The following ARHGAP39 variants were observed in gnomAD, a reference collection of about 807,000 sequenced individuals.
ARHGAP39 encodes the protein Rho GTPase activating protein 39.
A neutral mutation model predicts 106.9 loss-of-function variants in ARHGAP39; 44 were observed. The ratio of observed to expected loss-of-function variants is 0.41; its 90% CI spans 0.32 to 0.53. ARHGAP39 has a LOEUF of 0.53. Among genes scored for constraint, ARHGAP39 ranks in the 20% least tolerant of loss-of-function variants. The probability of loss-of-function intolerance (pLI) is 0.21; values close to 1 mark genes in which losing one functional copy is unlikely to be tolerated. For synonymous variants in ARHGAP39, 768 were observed against 693.2 expected, an observed-to-expected ratio of 1.11 and a Z score of -1.69; for missense variants, 1,496 against 1,577.3, an observed-to-expected ratio of 0.95 and a Z score of 0.87.
intron 4 of ARHGAP39, among the ~76,000 whole-genome samples, chr8:144,551,350 A>C (rs1422062013): frequency 2.0e-5 from 3 of 152,152 alleles, no homozygotes; most frequent in African/African-American, 7.2e-5. Context: ...AGAGATGAAG[A>C]AAGGTAAGAA....
chr8:144,586,678 G>A lies in ARHGAP39; in HGVS notation c.81-5401C>T, dbSNP rs984874564. On this transcript the variant is annotated intron_variant, in intron 2 of 11. Transcript: ENST00000377307. The surrounding 1 kb of genome is among the most constrained non-coding windows in gnomAD (Gnocchi z 4.2). Reference sequence around the variant, plus strand: ...GGTACCACACCCACTTCCAGGCACCGGGTCCCATGCTGACACAGGGCTCAG... The same window carrying A: ...GGTACCACACCCACTTCCAGGCACCAGGTCCCATGCTGACACAGGGCTCAG... 3.3e-5 allele frequency among the ~76,000 whole-genome samples: 5 copies of A among 152,176 alleles called. No homozygotes were observed. The highest frequency in any genetic ancestry group is 7.4e-5 in the Non-Finnish European group (5 of 68,026).
intron 1 of ARHGAP39, among the ~76,000 whole-genome samples, chr8:144,656,425 C>T (rs546151626): frequency 7.2e-5 from 11 of 152,074 alleles, no homozygotes; most frequent in South Asian, 2.1e-4. Context: ...ATCCTAAATG[C>T]GTATGCCTAG....
intron 1 of ARHGAP39, among the ~76,000 whole-genome samples, chr8:144,673,181 C>T (rs920134070): frequency 3.3e-5 from 5 of 151,814 alleles, no homozygotes; most frequent in African/African-American, 1.2e-4. Context: ...CATGCCACTG[C>T]CCCCTAGCCT....
intron 4 of ARHGAP39, among the ~76,000 whole-genome samples, chr8:144,552,049 C>G (rs1817713308): frequency 6.6e-6 from 1 of 152,238 alleles, no homozygotes; most frequent in African/African-American, 2.4e-5. Flanking sequence ...CCATCTCCCC[C>G]ATCTCAGTAA....
intron 1 of ARHGAP39, among the ~76,000 whole-genome samples, chr8:144,639,247 G>T (rs1821248971): frequency 6.6e-6 from 1 of 150,966 alleles, no homozygotes. Flanking sequence ...AATCACTTGA[G>T]CCCGGGAGGT....
chr8:144,581,601 T>C (rs1818994612), intron 2 of ARHGAP39, among the ~76,000 whole-genome samples: 2 of 152,214 alleles, frequency 1.3e-5, no homozygotes, highest in Admixed American at 6.5e-5. Context: ...CACTGCTCCG[T>C]CCTGCAGGAT....
chr8:144,675,608 T>A (rs1006675615), intron 1 of ARHGAP39, among the ~76,000 whole-genome samples: 1 of 150,992 alleles, frequency 6.6e-6, no homozygotes, highest in African/African-American at 2.4e-5. Context: ...TTGTGGTTAG[T>A]GTTACAGCTC....
At chr8:144,635,796 C>T (rs997932588) in intron 1 of ARHGAP39, among the ~76,000 whole-genome samples, 1 of 150,250 alleles carries the variant, frequency 6.7e-6, no homozygotes, top group African/African-American at 2.5e-5. Flanking sequence ...GAACACTCAC[C>T]CAGTAGGATC....
intron 1 of ARHGAP39, among the ~76,000 whole-genome samples, chr8:144,614,502 G>A (rs1157143418): frequency 6.6e-6 from 1 of 152,136 alleles, no homozygotes; most frequent in Non-Finnish European, 1.5e-5. Context: ...ACAGGTGCAT[G>A]CCACCACGCC....
At chr8:144,533,615 T>C (rs1816823303) in intron 8 of ARHGAP39, among the ~76,000 whole-genome samples, 1 of 152,284 alleles carries the variant, frequency 6.6e-6, no homozygotes, top group East Asian at 1.9e-4. Context: ...CCCAGCTCCC[T>C]GGCCAGAGTC....
chr8:144,538,844 T>A (rs1817070908), intron 6 of ARHGAP39, among the ~76,000 whole-genome samples: 1 of 151,874 alleles, frequency 6.6e-6, no homozygotes, highest in African/African-American at 2.4e-5. Flanking sequence ...GTGCTGGGAT[T>A]ACAGGTGTGA....
At position 144,679,473 on chromosome 8, in the gene ARHGAP39, G is replaced by A. The variant is rs576617637; in HGVS notation, c.-82+6213C>T. Among the ~76,000 whole-genome samples the A allele has an allele frequency of 5.9e-5, 9 of 152,316 alleles. No individual in the cohort carries two copies. In the East Asian group the frequency reaches 1.5e-3, roughly 26 times the overall value. ...AAAGAGTCACAAGCAAACGAAACGC[G>A]GGCAGGAATCAGCCTCTGCTGCTGT... On this transcript the variant is annotated intron_variant, in intron 1 of 11. Coordinates refer to ENST00000377307, the MANE Select transcript of ARHGAP39 (RefSeq NM_025251.3). The surrounding 1 kb of genome is among the most constrained non-coding windows in gnomAD (Gnocchi z 4.7).
intron 4 of ARHGAP39, among the ~76,000 whole-genome samples, chr8:144,551,851 T>C (rs1366618088): frequency 6.6e-6 from 1 of 152,222 alleles, no homozygotes; most frequent in Non-Finnish European, 1.5e-5. Flanking sequence ...ATGTCTGTCC[T>C]TTCAGCCAGT....
In ARHGAP39 at chr8:144,641,649, G is replaced by A. The variant is rs1821315568; in HGVS notation, c.-81-35954C>T. On this transcript the variant is annotated intron_variant, in intron 1 of 11. Coordinates refer to ENST00000377307, the MANE Select transcript of ARHGAP39 (RefSeq NM_025251.3). The surrounding 1 kb of genome is among the most constrained non-coding windows in gnomAD (Gnocchi z 5.2). ...TCTGTCGGCCTCCGCCAAAAGCAGA[G>A]CCTGAGACGAGGATGTGGCTTCATG... is the stretch of plus-strand genomic sequence containing the variant. Among the ~76,000 whole-genome samples, 1 of 152,264 alleles carries A rather than the reference G, an allele frequency of 6.6e-6. No homozygotes were observed. Among genetic ancestry groups the A allele is most frequent in the South Asian group, 2.1e-4 (1 of 4,832 alleles).
the ARHGAP39 span, among the ~76,000 whole-genome samples, chr8:144,692,791 C>G: frequency 1.8e-5 from 2 of 110,456 alleles, no homozygotes; most frequent in African/African-American, 3.5e-5. Context: ...CGGAGATTTA[C>G]TCTTGTCCCC....
At chr8:144,623,192 A>G (rs374462846) in intron 1 of ARHGAP39, among the ~76,000 whole-genome samples, 3 of 152,258 alleles carry the variant, frequency 2.0e-5, no homozygotes, top group East Asian at 3.8e-4. Context: ...CGAGGCAACC[A>G]CTATGAAGCC....
At chr8:144,535,073 T>C in intron 7 of ARHGAP39, among the ~76,000 whole-genome samples, 1 of 152,216 alleles carries the variant, frequency 6.6e-6, no homozygotes, top group Non-Finnish European at 1.5e-5. Context: ...CCTGTGCTTC[T>C]GGACATGAGA....
intron 1 of ARHGAP39, among the ~76,000 whole-genome samples, chr8:144,610,494 G>A (rs1024386003): frequency 6.6e-6 from 1 of 152,096 alleles, no homozygotes; most frequent in Non-Finnish European, 1.5e-5. Flanking sequence ...GGTGGATCAC[G>A]AGATCAGGAA....
At chr8:144,575,694 C>T (rs934827744) in intron 3 of ARHGAP39, among the ~76,000 whole-genome samples, 7 of 152,030 alleles carry the variant, frequency 4.6e-5, no homozygotes, top group Non-Finnish European at 1.0e-4. Context: ...TAAGTGCACG[C>T]TAAATGATAA....
Sources: allele counts gnomAD v4.1 joint callset (sites outside exome capture counted in the v4.1 genomes callset), GRCh38; gene constraint gnomAD v4.1.1; non-coding constraint Gnocchi (gnomAD v3.1); transcripts MANE v1.5; gene names NCBI Gene and HGNC (gene_info 2026-07-23, HGNC 2026-07-21).